CUX2: variants seen among roughly 807,000 people sequenced by gnomAD.
CUX2 encodes the protein cut like homeobox 2.
In CUX2, 40 loss-of-function variants were observed where a neutral mutation model predicts 144.8. The ratio of observed to expected loss-of-function variants is 0.28; its 90% confidence interval spans 0.21 to 0.36. The LOEUF is 0.36. Among genes scored for constraint, CUX2 ranks in the 10% least tolerant of loss-of-function variants. The pLI, the probability that CUX2 is intolerant of heterozygous loss-of-function variation, is 1.00. For synonymous variants in CUX2, 827 were observed against 875.6 expected, an observed-to-expected ratio of 0.94 and a Z score of 0.98; for missense variants, 1,615 against 1,994.0, an observed-to-expected ratio of 0.81 and a Z score of 3.62.
At chr12:111,193,963 A>G (rs1041482790) in intron 1 of CUX2, among the ~76,000 whole-genome samples, 1 of 138,468 alleles carries the variant, frequency 7.2e-6, no homozygotes, top group Admixed American at 7.0e-5. Flanking sequence ...GCTCCTCCGC[A>G]ACCTTGCTGG....
rs34368745 is a variant in CUX2 at position 111,295,751 on chromosome 12, C to CTAATTAATTAAT, written c.637+360_637+371dup. On this transcript the variant is annotated intron_variant, in intron 7 of 21. Coordinates refer to ENST00000261726, the MANE Select transcript of CUX2 (RefSeq NM_015267.4). The surrounding 1 kb of genome is among the most constrained non-coding windows in gnomAD (Gnocchi z 5.0). ...TGGGCAACATGGCAAGACCCTGTCT[C>CTAATTAATTAAT]TAATTAATTAATTAATTAATTAATT... is the stretch of plus-strand genomic sequence containing the variant. Among the ~76,000 whole-genome samples, 6 of 147,338 alleles carry CTAATTAATTAAT rather than the reference C, an allele frequency of 4.1e-5. No individual in the cohort carries two copies. The highest frequency in any genetic ancestry group is 1.5e-4 in the African/African-American group (6 of 39,810).
chr12:111,127,248 G>A (rs988052973), intron 1 of CUX2, among the ~76,000 whole-genome samples: 2 of 152,082 alleles, frequency 1.3e-5, no homozygotes, highest in East Asian at 1.9e-4. Context: ...CTTGGCCTTC[G>A]GCAAACAACT....
At chr12:111,218,157 C>A (rs7297273) in intron 3 of CUX2, among the ~76,000 whole-genome samples, 1,977 of 152,222 alleles carry the variant, frequency 0.013, 57 homozygotes, top group African/African-American at 0.045. Flanking sequence ...CAAGTCTGAT[C>A]CCAAGAAATC....
chr12:111,336,705 C>T (rs1050047617), intron 19 of CUX2, among the ~76,000 whole-genome samples: 3 of 151,964 alleles, frequency 2.0e-5, no homozygotes, highest in African/African-American at 7.2e-5. Context: ...GCCTCATCCT[C>T]CCAAAATGCA....
intron 1 of CUX2, among the ~76,000 whole-genome samples, chr12:111,161,318 G>C (rs1877754590): frequency 6.6e-6 from 1 of 152,142 alleles, no homozygotes; most frequent in Non-Finnish European, 1.5e-5. Context: ...AGGGCTGGGG[G>C]ATCATGAGGT....
chr12:111,242,521 T>G (rs911134491), intron 3 of CUX2, among the ~76,000 whole-genome samples: 2 of 152,116 alleles, frequency 1.3e-5, no homozygotes, highest in Non-Finnish European at 2.9e-5. Flanking sequence ...TGTTCCTAGA[T>G]TAGATTTGTA....
intron 1 of CUX2, among the ~76,000 whole-genome samples, chr12:111,149,850 C>T (rs1050681279): frequency 6.6e-6 from 1 of 152,128 alleles, no homozygotes; most frequent in African/African-American, 2.4e-5. Context: ...CTAGGCACAC[C>T]CTTACTTGTA....
At chr12:111,069,538 G>GTA (rs200379225) in intron 1 of CUX2, among the ~76,000 whole-genome samples, 5,662 of 151,454 alleles carry the variant, frequency 0.037, 347 homozygotes, top group African/African-American at 0.13. Flanking sequence ...GTGTGTGTGT[G>GTA]TGTGTGTGTG....
chr12:111,155,953 C>T (rs1422055166), intron 1 of CUX2, among the ~76,000 whole-genome samples: 4 of 151,924 alleles, frequency 2.6e-5, no homozygotes, highest in African/African-American at 9.7e-5. Context: ...AAAAACCAGC[C>T]AACAATAATA....
chr12:111,312,124 C>A lies in CUX2; in HGVS notation c.1925C>A (p.Thr642Lys). The A allele has an allele frequency of 6.2e-7, 1 of 1,611,408 alleles. No homozygotes were observed. The highest frequency in any genetic ancestry group is 8.5e-7 in the Non-Finnish European group (1 of 1,177,964). ...GGCAGCATCACCCCGAGAATCCGCA[C>A]GCCTGAGACAGGCTCAGACGACGCC... is the stretch of plus-strand genomic sequence containing the variant. ...QRGSITPRIR[T>K]PETGSDDAIK... Residue 642 changes from threonine to lysine, a missense_variant, in exon 16 of 22, where the codon ACG becomes AAG. By Grantham distance (78) the Thr-to-Lys change is moderately conservative. Coordinates refer to ENST00000261726, the MANE Select transcript of CUX2 (RefSeq NM_015267.4). This position sits in a 1 kb window ranked among gnomAD's most constrained non-coding sequence, Gnocchi z 4.3.
Position 111,061,598 on chromosome 12 carries a change from C to T in CUX2, c.63+27358C>T, listed in dbSNP as rs1592857146. On this transcript the variant is annotated intron_variant, in intron 1 of 21. Transcript: ENST00000261726. This position sits in a 1 kb window ranked among gnomAD's most constrained non-coding sequence, Gnocchi z 4.2. ...TCGTCCTGCTTTGCCCGCCTAAGTA[C>T]ATCCAACTCTACATCACGGTCTTTC... Among the ~76,000 whole-genome samples, 1 of 152,222 alleles carries T rather than the reference C, an allele frequency of 6.6e-6. No homozygotes were observed. The highest frequency in any genetic ancestry group is 1.9e-4 in the East Asian group (1 of 5,200).
Position 111,263,682 on chromosome 12 carries a change from GAA to G in CUX2, c.223-70_223-69del, listed in dbSNP as rs56249976. ...AAAAACCTGCAGATGTTTTCTTGTG[GAA>G]AAAAAAAATGATGAAATTTGCTTGC... is the stretch of plus-strand genomic sequence containing the variant. On this transcript the variant is annotated intron_variant, in intron 3 of 21. Transcript: ENST00000261726. This position sits in a 1 kb window ranked among gnomAD's most constrained non-coding sequence, Gnocchi z 4.0. The G allele has an allele frequency of 1.3e-5, 14 of 1,065,166 alleles. No individual in the cohort carries two copies. The highest frequency in any genetic ancestry group is 4.4e-5 in the Admixed American group (2 of 45,972). The allele number at this position is 1,065,166 out of a possible 1,614,324, so 66.0% of individuals were successfully genotyped here.
intron 1 of CUX2, among the ~76,000 whole-genome samples, chr12:111,075,944 G>A (rs950634369): frequency 1.3e-5 from 2 of 152,128 alleles, no homozygotes; most frequent in African/African-American, 4.8e-5. Flanking sequence ...GCAGGTGGCC[G>A]GGAACTGTGC....
chr12:111,048,432 ACC>A (rs1249793012), intron 1 of CUX2, among the ~76,000 whole-genome samples: 22 of 152,108 alleles, frequency 1.4e-4, no homozygotes, highest in Non-Finnish European at 2.9e-4. Flanking sequence ...CATGCCTGGT[ACC>A]CCCAGCAAGG....
intron 1 of CUX2, among the ~76,000 whole-genome samples, chr12:111,194,142 T>G (rs2106410): frequency 0.36 from 54,192 of 152,030 alleles, 13,674 homozygotes; most frequent in African/African-American, 0.71. Flanking sequence ...AGACTCTTTG[T>G]CTTGAATCCA....
chr12:111,313,305 G>A (rs150499743), intron 16 of CUX2, among the ~76,000 whole-genome samples: 1,944 of 148,866 alleles, frequency 0.013, 42 homozygotes, highest in African/African-American at 0.046. Flanking sequence ...TCCTGACCTC[G>A]TGATCCACCT....
In CUX2 at chr12:111,104,427, CCAT is replaced by C. The variant is rs1476126367; in HGVS notation, c.63+70191_63+70193del. Among the ~76,000 whole-genome samples, 3 of 152,104 alleles carry C rather than the reference CCAT, an allele frequency of 2.0e-5. No individual in the cohort carries two copies. In the East Asian group the frequency reaches 5.8e-4, roughly 29 times the overall value. ...AAGCCCAGGAATTATCTTCTGAACC[CCAT>C]CATTTGCAGAGGGTTCCAAAGCTTT... On this transcript the variant is annotated intron_variant, in intron 1 of 21. Transcript: ENST00000261726.
chr12:111,108,968 C>T (rs1163188080), intron 1 of CUX2, among the ~76,000 whole-genome samples: 1 of 152,120 alleles, frequency 6.6e-6, no homozygotes, highest in African/African-American at 2.4e-5. Flanking sequence ...TGCAGGTGGC[C>T]ACATGCCCTT....
intron 20 of CUX2, 36 bp downstream of exon 20, chr12:111,338,510 G>T: frequency 6.4e-7 from 1 of 1,567,254 alleles, no homozygotes; most frequent in Non-Finnish European, 8.7e-7. Context: ...CCAGCACTGG[G>T]TCTCAGATTT....
Sources: allele counts gnomAD v4.1 joint callset (sites outside exome capture counted in the v4.1 genomes callset), GRCh38; gene constraint gnomAD v4.1.1; non-coding constraint Gnocchi (gnomAD v3.1); transcripts MANE v1.5; gene names NCBI Gene and HGNC (gene_info 2026-07-23, HGNC 2026-07-21).